The following SNTG2 variants were observed in gnomAD, a reference collection of about 807,000 sequenced individuals.
SNTG2 encodes syntrophin gamma 2.
In SNTG2, 74 loss-of-function variants were observed where a neutral mutation model predicts 70.9. The observed-to-expected ratio is 1.04, with a 90% CI of 0.86 to 1.27. The LOEUF is 1.27. SNTG2 is among the 50% of genes most tolerant of loss of function. The probability of loss-of-function intolerance (pLI) is 0.00; values close to 1 mark genes in which losing one functional copy is unlikely to be tolerated. For synonymous variants in SNTG2, 278 were observed against 273.8 expected (o/e 1.02, Z -0.15); for missense variants, 717 against 690.7 (o/e 1.04, Z -0.43).
intron 1 of SNTG2, among the ~76,000 whole-genome samples, chr2:983,958 G>A (rs1661216440): frequency 6.6e-6 from 1 of 152,194 alleles, no homozygotes; most frequent in Non-Finnish European, 1.5e-5. Context: ...CTGTGTCCCT[G>A]TGTCCCTGAG....
At chr2:1,059,118 GC>G (rs1312824049) in intron 1 of SNTG2, 1 of 152,198 alleles carries the variant, frequency 6.6e-6, no homozygotes, top group Non-Finnish European at 1.5e-5. Context: ...GAACTGCATT[GC>G]CCACTGTCTT....
intron 14 of SNTG2, among the ~76,000 whole-genome samples, chr2:1,272,240 ATCTGGG>A (rs1679060896): frequency 6.6e-6 from 1 of 151,780 alleles, no homozygotes; most frequent in Non-Finnish European, 1.5e-5. Flanking sequence ...AGACGGTCCC[ATCTGGG>A]GGGATGGGAG....
At chr2:1,074,882 T>C (rs1663817240) in intron 1 of SNTG2, among the ~76,000 whole-genome samples, 1 of 152,264 alleles carries the variant, frequency 6.6e-6, no homozygotes, top group African/African-American at 2.4e-5. Context: ...TTTAGGAATG[T>C]ATCCATTTGA....
At chr2:1,312,311 C>T (rs999221694) in intron 15 of SNTG2, among the ~76,000 whole-genome samples, 1 of 152,168 alleles carries the variant, frequency 6.6e-6, no homozygotes, top group African/African-American at 2.4e-5. Flanking sequence ...CCTGCCCCGT[C>T]CAAGCGCAGT....
intron 14 of SNTG2, among the ~76,000 whole-genome samples, chr2:1,279,123 C>T (rs1051435124): frequency 6.6e-6 from 1 of 151,320 alleles, no homozygotes; most frequent in East Asian, 2.0e-4. Flanking sequence ...GCGCGAATCA[C>T]CCGTCAGTGC....
At chr2:1,211,879 C>T (rs1674070761) in intron 9 of SNTG2, among the ~76,000 whole-genome samples, 1 of 152,176 alleles carries the variant, frequency 6.6e-6, no homozygotes, top group South Asian at 2.1e-4. Flanking sequence ...ATAACCCATT[C>T]TGGCAGCTTG....
chr2:1,262,664 CTCAGT>C (rs1678482560), intron 13 of SNTG2, among the ~76,000 whole-genome samples: 6 of 152,182 alleles, frequency 3.9e-5, no homozygotes, highest in Admixed American at 3.3e-4. Flanking sequence ...AACCGGAAGG[CTCAGT>C]CCAGACGAGG....
intron 8 of SNTG2, among the ~76,000 whole-genome samples, chr2:1,198,171 A>G (rs934835559): frequency 6.6e-6 from 1 of 152,118 alleles, no homozygotes; most frequent in Non-Finnish European, 1.5e-5. Flanking sequence ...ACACAGTGGA[A>G]TAAACTAGAA....
intron 6 of SNTG2, among the ~76,000 whole-genome samples, chr2:1,151,249 G>A (rs28505905): frequency 1.4e-4 from 20 of 143,726 alleles, no homozygotes; most frequent in East Asian, 6.1e-4. Context: ...TCAGGCTGCG[G>A]TCCCATCTGT....
In SNTG2 at chr2:1,308,598, A is replaced by G. The variant is rs1303595826; in HGVS notation, c.1377+12A>G. ...AGAGTAAGACCAAGGTAAGAGGCCAAGCAGGCATCCATGCCGCCCCATTGC... is the reference window on the plus strand; with the variant it reads ...AGAGTAAGACCAAGGTAAGAGGCCAGGCAGGCATCCATGCCGCCCCATTGC... On this transcript the variant is annotated intron_variant, in intron 15 of 16. Transcript: ENST00000308624. 1 of 1,548,582 alleles carries G rather than the reference A, an allele frequency of 6.5e-7. No individual in the cohort carries two copies.
chr2:1,189,251 A>C (rs1572684244), intron 8 of SNTG2, among the ~76,000 whole-genome samples: 1 of 152,336 alleles, frequency 6.6e-6, no homozygotes, highest in East Asian at 1.9e-4. Flanking sequence ...ATGGAAAGAA[A>C]TACCATATCA....
rs72370046 is a variant in SNTG2, at chr2:1,143,885, A to ACCC, written c.411+6083_411+6085dup. Among the ~76,000 whole-genome samples, 914 of 140,272 alleles carry ACCC rather than the reference A, an allele frequency of 6.5e-3. 1 individual carries two copies. The highest frequency in any genetic ancestry group is 0.019 in the South Asian group (78 of 4,138). 92.0% of individuals were successfully genotyped at this position (140,272 alleles called of 152,430 possible). A position where few individuals can be genotyped will look rare whatever the true frequency, so the allele number is the denominator to read the frequency against. On this transcript the variant is annotated intron_variant, in intron 6 of 16. Coordinates refer to ENST00000308624, the MANE Select transcript of SNTG2 (RefSeq NM_018968.4). ...GAGACTCTGTCTCAAACAACAAACAACCCCCCCCCAGAAAAAGAAAATATT... is the reference window on the plus strand; with the variant it reads ...GAGACTCTGTCTCAAACAACAAACAACCCCCCCCCCCCAGAAAAAGAAAATATT...
chr2:1,254,673 T>C (rs891190328), intron 12 of SNTG2, among the ~76,000 whole-genome samples: 2 of 152,236 alleles, frequency 1.3e-5, no homozygotes, highest in African/African-American at 2.4e-5. Context: ...TACCAAGTTA[T>C]GGCATCTTGT....
chr2:1,098,379 C>A lies in SNTG2; in HGVS notation c.294C>A (p.Val98=). 6.2e-7 allele frequency: 1 copy of A among 1,613,930 alleles called. No individual in the cohort carries two copies. The highest frequency in any genetic ancestry group is 8.5e-7 in the Non-Finnish European group (1 of 1,179,892). The stretch of plus-strand genomic sequence containing the variant: ...GAGGTTCTGAGCACAACGTCCCTGT[C>A]GTCATATCAAAAATATTCGAAGACC... ...IKGGSEHNVP[V]VISKIFEDQA... is the part of the protein sequence containing the mutation. The change falls in exon 4 of 17, where the codon GTC becomes GTA. Residue 98 remains valine, a synonymous_variant. Transcript: ENST00000308624.
At chr2:1,122,487 A>C (rs1667435573) in intron 4 of SNTG2, among the ~76,000 whole-genome samples, 2 of 152,242 alleles carry the variant, frequency 1.3e-5, no homozygotes, top group South Asian at 4.1e-4. Context: ...CATCACATTA[A>C]CAGACTGATG....
intron 1 of SNTG2, among the ~76,000 whole-genome samples, chr2:966,150 C>A (rs1489794008): frequency 6.6e-6 from 1 of 152,222 alleles, no homozygotes; most frequent in Non-Finnish European, 1.5e-5. Flanking sequence ...CCACCTTGTC[C>A]CACCTCCCTT....
intron 6 of SNTG2, among the ~76,000 whole-genome samples, chr2:1,162,886 G>A (rs75730287): frequency 0.022 from 3,333 of 152,294 alleles, 116 homozygotes; most frequent in African/African-American, 0.075. Flanking sequence ...TACTGCAGCA[G>A]CCTGTATGAA....
chr2:1,203,357 G>A (rs2147974409), intron 8 of SNTG2, among the ~76,000 whole-genome samples: 1 of 152,112 alleles, frequency 6.6e-6, no homozygotes, highest in Admixed American at 6.6e-5. Flanking sequence ...CTGAGATTAA[G>A]AGTGACAAAT....
chr2:965,519 C>T (rs1476353515), intron 1 of SNTG2, among the ~76,000 whole-genome samples: 24 of 150,608 alleles, frequency 1.6e-4, no homozygotes, highest in Non-Finnish European at 7.4e-5. Context: ...AGGGTCCCCT[C>T]CTCCTGGCCT....
Sources: allele counts gnomAD v4.1 joint callset (sites outside exome capture counted in the v4.1 genomes callset), GRCh38; gene constraint gnomAD v4.1.1; transcripts MANE v1.5; gene names NCBI Gene and HGNC (gene_info 2026-07-23, HGNC 2026-07-21).